Variants in GABPB2 observed in about 807,000 individuals in gnomAD.
GABPB2 encodes the protein GA binding protein transcription factor subunit beta 2.
Under a neutral mutation model 39.1 loss-of-function variants are expected in GABPB2, and 23 were observed. The observed-to-expected ratio is 0.59, with a 90% CI of 0.42 to 0.83. The LOEUF is 0.83. GABPB2 is among the 40% of genes least tolerant of loss of function. GABPB2 has a pLI of 0.00. For missense variants in GABPB2, 467 were observed against 541.1 expected (o/e 0.86, Z 1.36); for synonymous variants, 184 against 199.3 (o/e 0.92, Z 0.65).
intron 5 of GABPB2, among the ~76,000 whole-genome samples, chr1:151,100,334 G>A (rs1214923791): frequency 1.3e-5 from 2 of 151,810 alleles, no homozygotes; most frequent in South Asian, 2.1e-4. Context: ...TAGTAGAGAC[G>A]GGGTTTCACC....
At chr1:151,110,840 C>A (rs1241122738) in intron 7 of GABPB2, among the ~76,000 whole-genome samples, 1 of 152,156 alleles carries the variant, frequency 6.6e-6, no homozygotes, top group Non-Finnish European at 1.5e-5. Flanking sequence ...AAATTTAAAT[C>A]CCAGACTAAA....
chr1:151,104,862 TTCCC>T (rs774674091), intron 6 of GABPB2, among the ~76,000 whole-genome samples: 28 of 150,404 alleles, frequency 1.9e-4, no homozygotes, highest in Admixed American at 9.4e-4. Context: ...TTCTTTCTCC[TTCCC>T]TCCCTCCCTC....
At chr1:151,112,020 C>A (rs113869543) in intron 7 of GABPB2, 74,511 of 145,762 alleles carry the variant, frequency 0.51, 22,819 homozygotes, top group East Asian at 0.88. Context: ...GTCAGGAGAT[C>A]GAGACCATCC....
chr1:151,116,667 G>A (rs1243274332), intron 7 of GABPB2, among the ~76,000 whole-genome samples: 2 of 151,954 alleles, frequency 1.3e-5, no homozygotes, highest in African/African-American at 2.4e-5. Context: ...GAGTGCAGTC[G>A]CGAGTTCTTG....
chr1:151,082,389 T>G (rs1312952182), intron 1 of GABPB2, among the ~76,000 whole-genome samples: 1 of 133,362 alleles, frequency 7.5e-6, no homozygotes, highest in Non-Finnish European at 1.6e-5. Context: ...CAAGTGGTAA[T>G]TTCTTTTTTT....
chr1:151,086,670 ATTTT>A (rs35098609), intron 1 of GABPB2, among the ~76,000 whole-genome samples: 49 of 147,692 alleles, frequency 3.3e-4, no homozygotes, highest in Middle Eastern at 3.4e-3. Flanking sequence ...CTTGTTCTTA[ATTTT>A]TTTTTTTTTT....
At chr1:151,108,773 GCTTTT>G (rs1357035466) in intron 7 of GABPB2, among the ~76,000 whole-genome samples, 16 of 152,090 alleles carry the variant, frequency 1.1e-4, no homozygotes, top group Non-Finnish European at 1.9e-4. Flanking sequence ...CAATGTATAT[GCTTTT>G]ATAGTCTTGA....
At chr1:151,084,797 G>A (rs939204392) in intron 1 of GABPB2, among the ~76,000 whole-genome samples, 2 of 151,656 alleles carry the variant, frequency 1.3e-5, no homozygotes, top group Non-Finnish European at 2.9e-5. Context: ...GCCTCCCAAA[G>A]TGTTGGGATT....
intron 1 of GABPB2, among the ~76,000 whole-genome samples, chr1:151,082,001 T>C (rs1677746324): frequency 6.6e-6 from 1 of 152,072 alleles, no homozygotes; most frequent in Non-Finnish European, 1.5e-5. Flanking sequence ...GAAAGAGTAT[T>C]ATAATAACTT....
At chr1:151,085,274 G>A (rs1678082624) in intron 1 of GABPB2, among the ~76,000 whole-genome samples, 1 of 151,994 alleles carries the variant, frequency 6.6e-6, no homozygotes, top group South Asian at 2.1e-4. Flanking sequence ...ATGGGTGCCT[G>A]TAATTCCAGA....
At chr1:151,084,336 C>T (rs1677986485) in intron 1 of GABPB2, among the ~76,000 whole-genome samples, 1 of 151,604 alleles carries the variant, frequency 6.6e-6, no homozygotes, top group Admixed American at 6.6e-5. Context: ...ATTCTCCTGC[C>T]TCAGCCTTCC....
intron 1 of GABPB2, among the ~76,000 whole-genome samples, chr1:151,071,231 GCGGAGC>G (rs937893641): frequency 2.6e-5 from 4 of 152,182 alleles, no homozygotes; most frequent in African/African-American, 9.7e-5. Context: ...AGGGGGCGGC[GCGGAGC>G]CGGGGCCGAG....
At chr1:151,093,104 T>C (rs1678845240) in intron 3 of GABPB2, 88 bp from the exon 4 acceptor site, 12 of 1,031,910 alleles carry the variant, frequency 1.2e-5, no homozygotes, top group Non-Finnish European at 1.7e-5. Context: ...ACGTAATCTC[T>C]ATGGAAATCC....
chr1:151,093,424 T>G, intron 4 of GABPB2, 38 bp downstream of exon 4: 1 of 1,474,742 alleles, frequency 6.8e-7, no homozygotes, highest in Non-Finnish European at 9.0e-7. Context: ...TGTATGTTAA[T>G]TGAAGTTAAG....
chr1:151,100,340 T>C (rs867306134), intron 5 of GABPB2, among the ~76,000 whole-genome samples: 19 of 151,754 alleles, frequency 1.3e-4, no homozygotes, highest in African/African-American at 4.4e-4. Context: ...AGACGGGGTT[T>C]CACCATGTTG....
chr1:151,083,710 C>G (rs1677916768), intron 1 of GABPB2, among the ~76,000 whole-genome samples: 1 of 150,546 alleles, frequency 6.6e-6, no homozygotes, highest in South Asian at 2.1e-4. Flanking sequence ...AGTGGCAGCT[C>G]ACTTTGTTCA....
chr1:151,073,573 G>C (rs1676902909), intron 1 of GABPB2, among the ~76,000 whole-genome samples: 2 of 151,950 alleles, frequency 1.3e-5, no homozygotes, highest in Non-Finnish European at 2.9e-5. Flanking sequence ...TGTGTTTTTT[G>C]TTTGTTTTTT....
chr1:151,110,005 ATTTTTTTTTT>A (rs71577269), intron 7 of GABPB2, among the ~76,000 whole-genome samples: 16 of 60,752 alleles, frequency 2.6e-4, no homozygotes, highest in African/African-American at 7.1e-4. Context: ...TGCCCAGCTA[ATTTTTTTTTT>A]TTTTTTTTTT....
At chr1:151,074,395 C>T (rs587597893) in intron 1 of GABPB2, among the ~76,000 whole-genome samples, 1 of 151,130 alleles carries the variant, frequency 6.6e-6, no homozygotes, top group Admixed American at 6.6e-5. Context: ...ACTGCAAGCT[C>T]CACTTCCTGG....
Sources: gnomAD v4.1 joint callset for allele counts (sites outside exome capture counted in the v4.1 genomes callset) on GRCh38, gnomAD v4.1.1 for gene constraint, MANE v1.5 for transcripts, NCBI Gene and HGNC (gene_info 2026-07-23, HGNC 2026-07-21) for gene names.